CNOT6: variants seen among roughly 807,000 people sequenced by gnomAD.
CNOT6 encodes carbon catabolite repression 4 protein.
In CNOT6, 12 loss-of-function variants were observed where a neutral mutation model predicts 61.2. The observed-to-expected ratio is 0.20, with a 90% CI of 0.13 to 0.32. The LOEUF (loss-of-function observed/expected upper bound fraction) is 0.32. Among genes scored for constraint, CNOT6 ranks in the 10% least tolerant of loss-of-function variants. The pLI, the probability that CNOT6 is intolerant of heterozygous loss-of-function variation, is 1.00. For synonymous variants in CNOT6, 225 were observed against 240.6 expected, an observed-to-expected ratio of 0.94 and a Z score of 0.60; for missense variants, 405 against 663.9, an observed-to-expected ratio of 0.61 and a Z score of 4.28.
intron 2 of CNOT6, among the ~76,000 whole-genome samples, chr5:180,540,860 G>A (rs184887558): frequency 6.6e-6 from 1 of 152,126 alleles, no homozygotes; most frequent in Non-Finnish European, 1.5e-5. Flanking sequence ...TCAAGTAATA[G>A]GAAAATTGGT....
intron 1 of CNOT6, among the ~76,000 whole-genome samples, chr5:180,519,926 T>A (rs1403167713): frequency 6.6e-6 from 1 of 151,796 alleles, no homozygotes. Context: ...CTCTGCCTCC[T>A]GGATTCAAGG....
rs1239358496 is a variant in CNOT6 at position 180,569,108 on chromosome 5, A to G, written c.1028-2A>G. 2 of 1,607,930 alleles carry G rather than the reference A, an allele frequency of 1.2e-6. No individual in the cohort carries two copies. Among genetic ancestry groups the G allele is most frequent in the Non-Finnish European group, 1.7e-6 (2 of 1,175,042 alleles). On this transcript the variant is annotated splice_acceptor_variant, in intron 9 of 11. Coordinates refer to ENST00000261951, the MANE Select transcript of CNOT6 (RefSeq NM_001370472.1). LOFTEE classifies it high-confidence loss of function. ...TCTTTGTTTCGTTTTTATCTAATGT[A>G]GCCGGAAAGCCACATCTTGGAACAG...
chr5:180,541,142 AT>A (rs869042995), intron 2 of CNOT6, among the ~76,000 whole-genome samples: 262 of 145,672 alleles, frequency 1.8e-3, no homozygotes, highest in Admixed American at 1.7e-3. Context: ...TAAATTAAGA[AT>A]TTTTTTTTTT....
At chr5:180,552,684 T>TA (rs1342879084) in intron 3 of CNOT6, among the ~76,000 whole-genome samples, 1 of 152,006 alleles carries the variant, frequency 6.6e-6, no homozygotes. Context: ...CTGCATGCGT[T>TA]ACATTGCCAC....
rs1176286473 is a variant in CNOT6 at position 180,541,440 on chromosome 5, A to ATTTTTTTTTTTTTT, written c.113-8491_113-8490insTTTTTTTTTTTTTT. On this transcript the variant is annotated intron_variant, in intron 2 of 11. Coordinates refer to ENST00000261951, the MANE Select transcript of CNOT6 (RefSeq NM_001370472.1). ...CATGAACCACCACAACTGGCCAAGAAATTTTTTTTTTTTTTTTTTTTTTTT... is the reference window on the plus strand; with the variant it reads ...CATGAACCACCACAACTGGCCAAGAATTTTTTTTTTTTTTATTTTTTTTTTTTTTTTTTTTTTTT... 9.7e-5 allele frequency among the ~76,000 whole-genome samples: 10 copies of ATTTTTTTTTTTTTT among 102,926 alleles called. 1 individual carries two copies. The highest frequency in any genetic ancestry group is 1.1e-4 in the Admixed American group (1 of 8,964). 67.5% of individuals were successfully genotyped at this position (102,926 alleles called of 152,430 possible). A position where few individuals can be genotyped will look rare whatever the true frequency, so the allele number is the denominator to read the frequency against.
At chr5:180,495,092 C>G (rs1756541601) in intron 1 of CNOT6, among the ~76,000 whole-genome samples, 1 of 152,192 alleles carries the variant, frequency 6.6e-6, no homozygotes, top group African/African-American at 2.4e-5. Context: ...AGTCCGTGTC[C>G]CGGGACTCGT....
At chr5:180,571,899 T>C (rs1230037023) in intron 11 of CNOT6, among the ~76,000 whole-genome samples, 2 of 152,178 alleles carry the variant, frequency 1.3e-5, no homozygotes, top group East Asian at 1.9e-4. Flanking sequence ...TAGAAGTCCA[T>C]GTGATCAGTG....
chr5:180,573,534 A>C (rs1051448233), intron 11 of CNOT6, among the ~76,000 whole-genome samples: 9 of 149,628 alleles, frequency 6.0e-5, no homozygotes, highest in Non-Finnish European at 1.2e-4. Flanking sequence ...TGTTCCAGGC[A>C]GAATGGTGGA....
At chr5:180,554,679 T>C (rs892898792) in intron 4 of CNOT6, among the ~76,000 whole-genome samples, 1 of 152,214 alleles carries the variant, frequency 6.6e-6, no homozygotes, top group Non-Finnish European at 1.5e-5. Flanking sequence ...AAGATGCCCT[T>C]TTCTGTTATA....
chr5:180,500,105 TTC>T (rs1177292749), intron 1 of CNOT6, among the ~76,000 whole-genome samples: 10 of 116,520 alleles, frequency 8.6e-5, no homozygotes, highest in East Asian at 4.2e-4. Context: ...TTCTTTTTTT[TTC>T]CCCCCTTTTT....
chr5:180,541,224 C>T (rs1017731433), intron 2 of CNOT6, among the ~76,000 whole-genome samples: 5 of 151,654 alleles, frequency 3.3e-5, no homozygotes, highest in Non-Finnish European at 5.9e-5. Flanking sequence ...CTGCAACCTC[C>T]GCCTCCCTGG....
intron 1 of CNOT6, among the ~76,000 whole-genome samples, chr5:180,515,930 CAG>C: frequency 6.6e-6 from 1 of 152,188 alleles, no homozygotes; most frequent in Non-Finnish European, 1.5e-5. Flanking sequence ...TTTTTGAGAT[CAG>C]GGTCTCACCG....
chr5:180,528,294 G>C (rs2127719592), intron 1 of CNOT6, among the ~76,000 whole-genome samples: 1 of 152,210 alleles, frequency 6.6e-6, no homozygotes, highest in Admixed American at 6.5e-5. Flanking sequence ...ATAAATGTTT[G>C]ATTCTTTTAT....
At chr5:180,516,040 A>G (rs1757622022) in intron 1 of CNOT6, among the ~76,000 whole-genome samples, 2 of 152,052 alleles carry the variant, frequency 1.3e-5, no homozygotes, top group Non-Finnish European at 2.9e-5. Flanking sequence ...CCTCTCAAGT[A>G]GCTGGGACTA....
chr5:180,506,694 G>T (rs1391734462), intron 1 of CNOT6, among the ~76,000 whole-genome samples: 1 of 152,118 alleles, frequency 6.6e-6, no homozygotes, highest in East Asian at 1.9e-4. Flanking sequence ...AGTTCTCTTG[G>T]ATATTAAAGT....
intron 1 of CNOT6, among the ~76,000 whole-genome samples, chr5:180,497,765 T>G (rs1183059720): frequency 6.6e-6 from 1 of 152,120 alleles, no homozygotes; most frequent in Non-Finnish European, 1.5e-5. Flanking sequence ...TTGCTGAGAC[T>G]GGGCGCGGTG....
chr5:180,572,000 T>G (rs943519060), intron 11 of CNOT6, among the ~76,000 whole-genome samples: 8 of 152,210 alleles, frequency 5.3e-5, no homozygotes, highest in Non-Finnish European at 7.3e-5. Flanking sequence ...GTTGACTTTT[T>G]CACCTTTTGG....
At chr5:180,533,380 C>T (rs1468314471) in intron 2 of CNOT6, among the ~76,000 whole-genome samples, 1 of 148,494 alleles carries the variant, frequency 6.7e-6, no homozygotes, top group Non-Finnish European at 1.5e-5. Context: ...AGGGGAGACG[C>T]CTCTAAAGTA....
At chr5:180,551,209 T>C (rs1423570876) in intron 3 of CNOT6, among the ~76,000 whole-genome samples, 1 of 151,632 alleles carries the variant, frequency 6.6e-6, no homozygotes, top group East Asian at 1.9e-4. Context: ...CCCAGATAAT[T>C]AGCTGGGCTT....
Sources: gnomAD v4.1 joint callset for allele counts (sites outside exome capture counted in the v4.1 genomes callset) on GRCh38, gnomAD v4.1.1 for gene constraint, MANE v1.5 for transcripts, NCBI Gene and HGNC (gene_info 2026-07-23, HGNC 2026-07-21) for gene names.